Variants in CCNE1 observed in about 807,000 individuals in gnomAD.
CCNE1 encodes the protein G1/S-specific cyclin-E1.
CCNE1 carries 8 observed loss-of-function variants against 54.1 expected under a neutral mutation model. The ratio of observed to expected loss-of-function variants is 0.15; its 90% CI spans 0.09 to 0.27. The LOEUF is 0.27. CCNE1 is among the 10% of genes least tolerant of loss of function. The pLI is 1.00. For missense variants in CCNE1, 430 were observed against 514.9 expected, an observed-to-expected ratio of 0.84 and a Z score of 1.60; for synonymous variants, 179 against 185.2, an observed-to-expected ratio of 0.97 and a Z score of 0.27.
Position 29,817,857 on chromosome 19 carries a change from C to CTTTTT in CCNE1, c.462+333_462+337dup, listed in dbSNP as rs34598025. Among the ~76,000 whole-genome samples the CTTTTT allele has an allele frequency of 1.0e-3, 97 of 95,904 alleles. 3 individuals carry two copies. Among genetic ancestry groups the CTTTTT allele is most frequent in the East Asian group, 2.4e-3 (6 of 2,468 alleles). 62.9% of individuals were successfully genotyped at this position (95,904 alleles called of 152,430 possible). Reference sequence around the variant, plus strand: ...TTTGTTCATTATGTTCATTAAATTGCTTTTTTTTTTTTTTTTTTTTTGAGA... The same window carrying CTTTTT: ...TTTGTTCATTATGTTCATTAAATTGCTTTTTTTTTTTTTTTTTTTTTTTTTTGAGA... On this transcript the variant is annotated intron_variant, in intron 6 of 11. Coordinates refer to ENST00000262643, the MANE Select transcript of CCNE1 (RefSeq NM_001238.4).
intron 11 of CCNE1, among the ~76,000 whole-genome samples, chr19:29,823,421 A>G (rs1164779588): frequency 1.3e-5 from 2 of 152,014 alleles, no homozygotes; most frequent in African/African-American, 2.4e-5. Flanking sequence ...GCGGGTGCCT[A>G]TAATCTCAGC....
chr19:29,815,039 G>T (rs911054494), intron 4 of CCNE1, among the ~76,000 whole-genome samples: 1 of 152,178 alleles, frequency 6.6e-6, no homozygotes, highest in Non-Finnish European at 1.5e-5. Context: ...GACAGATCTT[G>T]CTTTGAAACT....
intron 4 of CCNE1, 182 bp downstream of exon 4, chr19:29,813,219 G>T: frequency 1.7e-6 from 1 of 602,824 alleles, no homozygotes; most frequent in Non-Finnish European, 2.9e-6. Flanking sequence ...CCAGTCCTGG[G>T]ATTCCAGGAA....
intron 4 of CCNE1, among the ~76,000 whole-genome samples, chr19:29,816,886 T>C (rs1974030122): frequency 7.0e-6 from 1 of 143,326 alleles, no homozygotes. Flanking sequence ...TACTAATGAA[T>C]GTGAAGTGCT....
chr19:29,820,715 A>G lies in CCNE1; in HGVS notation c.476A>G (p.Tyr159Cys), dbSNP rs1306252772. ...ATATGTTTTCAGGTGTGTGAAGTCT[A>G]TAAACTTCACAGGGAGACCTTTTAC... Reference protein sequence around the residue: ...LDWLMEVCEVYKLHRETFYLA... With the variant: ...LDWLMEVCEVCKLHRETFYLA... Residue 159 changes from tyrosine (Y) to cysteine (C), a missense_variant, in exon 7 of 12, where the codon TAT becomes TGT. Tyr to Cys is a radical substitution (Grantham distance 194). This residue lies in a region of CCNE1 where 303 missense variants were observed against 401.1 expected (regional missense o/e 0.76). Coordinates refer to ENST00000262643, the MANE Select transcript of CCNE1 (RefSeq NM_001238.4). The G allele has an allele frequency of 3.1e-6, 5 of 1,611,482 alleles. No homozygotes were observed. The highest frequency in any genetic ancestry group is 4.5e-5 in the East Asian group (2 of 44,816).
At chr19:29,822,961 C>CT (rs1031736528) in intron 11 of CCNE1, among the ~76,000 whole-genome samples, 15 of 151,610 alleles carry the variant, frequency 9.9e-5, no homozygotes, top group Admixed American at 3.9e-4. Context: ...AAAAAACTGC[C>CT]TAAATAACCT....
intron 6 of CCNE1, among the ~76,000 whole-genome samples, chr19:29,818,763 CTTTT>C (rs34147702): frequency 7.1e-6 from 1 of 140,266 alleles, no homozygotes. Context: ...GACCCCATGT[CTTTT>C]TTTTTTTTTT....
intron 11 of CCNE1, 77 bp downstream of exon 11, chr19:29,822,680 A>C: frequency 6.9e-7 from 1 of 1,458,644 alleles, no homozygotes; most frequent in Non-Finnish European, 9.3e-7. Context: ...GCGGTGGTTC[A>C]GGCCTGTAAA....
At chr19:29,816,782 A>T (rs1047136280) in intron 4 of CCNE1, among the ~76,000 whole-genome samples, 2 of 152,034 alleles carry the variant, frequency 1.3e-5, no homozygotes, top group East Asian at 3.9e-4. Flanking sequence ...TACATGTGCC[A>T]TGTTGGTGTG....
intron 2 of CCNE1, 48 bp from the exon 3 acceptor site, chr19:29,812,641 G>C (rs1267981438): frequency 5.1e-6 from 8 of 1,554,690 alleles, no homozygotes; most frequent in Non-Finnish European, 7.0e-6. Context: ...GCGTGGGGGA[G>C]GGGCGGCCGC....
In CCNE1 at chr19:29,813,046, G is replaced by T. The variant is rs201538000; in HGVS notation, c.180+9G>T. The T allele has an allele frequency of 1.7e-5, 28 of 1,613,702 alleles. No individual in the cohort carries two copies. The East Asian group carries it at 5.6e-4, about 32-fold the overall frequency. On this transcript the variant is annotated intron_variant, in intron 4 of 11. Coordinates refer to ENST00000262643, the MANE Select transcript of CCNE1 (RefSeq NM_001238.4). The stretch of plus-strand genomic sequence containing the variant: ...ACCAGTGTGGGAGCCAGGTAGGTCC[G>T]CCCGGGGTTGGGCCTCTGTGGAGGT...
At chr19:29,818,756 C>T (rs1471271297) in intron 6 of CCNE1, among the ~76,000 whole-genome samples, 1 of 148,082 alleles carries the variant, frequency 6.8e-6, no homozygotes, top group Admixed American at 7.0e-5. Flanking sequence ...ATAGCGAGAC[C>T]CCATGTCTTT....
chr19:29,818,763 C>CTT (rs34147702), intron 6 of CCNE1, among the ~76,000 whole-genome samples: 58 of 140,280 alleles, frequency 4.1e-4, no homozygotes, highest in African/African-American at 1.2e-3. Context: ...GACCCCATGT[C>CTT]TTTTTTTTTT....
At chr19:29,815,332 G>A (rs1973987748) in intron 4 of CCNE1, among the ~76,000 whole-genome samples, 1 of 152,206 alleles carries the variant, frequency 6.6e-6, no homozygotes, top group African/African-American at 2.4e-5. Flanking sequence ...AATGCCACCC[G>A]CACATGGTAC....
intron 6 of CCNE1, among the ~76,000 whole-genome samples, chr19:29,819,709 G>A: frequency 6.6e-6 from 1 of 152,216 alleles, no homozygotes; most frequent in East Asian, 1.9e-4. Context: ...ATATCTTACT[G>A]GGATGAACTG....
chr19:29,812,607 G>C, intron 2 of CCNE1, 29 bp downstream of exon 2: 1 of 1,537,962 alleles, frequency 6.5e-7, no homozygotes, highest in South Asian at 1.2e-5. Flanking sequence ...GGGCCGGACG[G>C]GACGGGACGG....
At chr19:29,820,565 A>C in intron 6 of CCNE1, 137 bp from the exon 7 acceptor site, 2 of 668,192 alleles carry the variant, frequency 3.0e-6, no homozygotes, top group Non-Finnish European at 5.1e-6. Context: ...AAACAAAAAA[A>C]CAAAAAACTA....
At chr19:29,818,445 C>A (rs1473615289) in intron 6 of CCNE1, among the ~76,000 whole-genome samples, 1 of 152,198 alleles carries the variant, frequency 6.6e-6, no homozygotes, top group East Asian at 1.9e-4. Flanking sequence ...CAGGTGTGAG[C>A]CACCATGCCC....
intron 4 of CCNE1, among the ~76,000 whole-genome samples, chr19:29,814,338 C>T (rs1192515902): frequency 1.3e-5 from 2 of 152,242 alleles, no homozygotes; most frequent in Non-Finnish European, 1.5e-5. Flanking sequence ...GAAGCAGGGC[C>T]GTCCCTGTTG....
Sources: gnomAD v4.1 joint callset for allele counts (sites outside exome capture counted in the v4.1 genomes callset) on GRCh38, gnomAD v4.1.1 for gene constraint, gnomAD v4.1.1 regional missense constraint, MANE v1.5 for transcripts, NCBI Gene and HGNC (gene_info 2026-07-23, HGNC 2026-07-21) for gene names.